Variants in GLIS3 observed in about 807,000 individuals in gnomAD.
GLIS3 encodes the protein zinc finger protein GLIS3.
A neutral mutation model predicts 78.6 loss-of-function variants in GLIS3; 53 were observed. The ratio of observed to expected loss-of-function variants is 0.67; its 90% CI spans 0.54 to 0.85. The LOEUF (loss-of-function observed/expected upper bound fraction) is 0.85, where lower values mean the gene tolerates loss of function less well. GLIS3 is among the 40% of genes least tolerant of loss of function. The probability of loss-of-function intolerance (pLI) is 0.00; values close to 1 mark genes in which losing one functional copy is unlikely to be tolerated. For synonymous variants in GLIS3, 684 were observed against 509.9 expected, an observed-to-expected ratio of 1.34 and a Z score of -4.60; for missense variants, 1,703 against 1,231.1, an observed-to-expected ratio of 1.38 and a Z score of -5.74.
intron 4 of GLIS3, chr9:4,054,337 C>T: frequency 1.0e-6 from 1 of 985,418 alleles, no homozygotes; most frequent in East Asian, 1.1e-4. Context: ...ACAAGACCTC[C>T]ACCTTTCCAA....
At chr9:4,365,026 T>C in the GLIS3 span, among the ~76,000 whole-genome samples, 6 of 152,286 alleles carry the variant, frequency 3.9e-5, no homozygotes, top group African/African-American at 1.4e-4. Flanking sequence ...TTTTAACTTA[T>C]GAAAAAAGTC....
intron 2 of GLIS3, among the ~76,000 whole-genome samples, chr9:4,316,156 A>G (rs1490096031): frequency 2.0e-5 from 3 of 152,148 alleles, no homozygotes; most frequent in African/African-American, 7.2e-5. Context: ...ATCCTCAACA[A>G]AAAAGATTTC....
intron 2 of GLIS3, among the ~76,000 whole-genome samples, chr9:4,330,783 A>T (rs139286469): frequency 6.6e-6 from 1 of 152,112 alleles, no homozygotes; most frequent in Non-Finnish European, 1.5e-5. Flanking sequence ...GACTCAGGAG[A>T]TAACTTAGAA....
intron 4 of GLIS3, among the ~76,000 whole-genome samples, chr9:4,068,343 T>A (rs1398920118): frequency 1.3e-5 from 2 of 152,136 alleles, no homozygotes; most frequent in Non-Finnish European, 2.9e-5. Flanking sequence ...ATTTTATTCA[T>A]GATTTTGAAA....
chr9:4,036,108 G>A (rs543001938), intron 4 of GLIS3: 1 of 152,220 alleles, frequency 6.6e-6, no homozygotes, highest in African/African-American at 2.4e-5. Flanking sequence ...CTTTTCACAG[G>A]GAATTACCAT....
chr9:4,408,511 A>G, the GLIS3 span, among the ~76,000 whole-genome samples: 2 of 151,714 alleles, frequency 1.3e-5, no homozygotes, highest in Non-Finnish European at 2.9e-5. Flanking sequence ...GGCGGATCAC[A>G]AGGTCAGGAG....
chr9:4,259,069 C>G (rs1041832118), intron 2 of GLIS3, among the ~76,000 whole-genome samples: 1 of 152,088 alleles, frequency 6.6e-6, no homozygotes, highest in East Asian at 1.9e-4. Context: ...AACTCCTCCC[C>G]AAACATTCCA....
At chr9:4,257,704 G>T (rs1296196777) in intron 2 of GLIS3, among the ~76,000 whole-genome samples, 3 of 151,780 alleles carry the variant, frequency 2.0e-5, no homozygotes, top group Admixed American at 1.3e-4. Flanking sequence ...CTCCCAAGTA[G>T]CTGGGACTAC....
chr9:4,376,644 A>C, the GLIS3 span, among the ~76,000 whole-genome samples: 1 of 135,362 alleles, frequency 7.4e-6, no homozygotes, highest in Admixed American at 7.4e-5. Flanking sequence ...TACATCTTAT[A>C]AAAGAAGAAA....
At chr9:4,208,698 T>A (rs191153173) in intron 2 of GLIS3, among the ~76,000 whole-genome samples, 1 of 152,180 alleles carries the variant, frequency 6.6e-6, no homozygotes, top group Non-Finnish European at 1.5e-5. Context: ...CCCTGGATGG[T>A]TGCTAGCGTT....
intron 4 of GLIS3, among the ~76,000 whole-genome samples, chr9:3,979,385 T>C (rs1048936244): frequency 6.6e-6 from 1 of 152,222 alleles, no homozygotes; most frequent in Non-Finnish European, 1.5e-5. Flanking sequence ...AGGACTAACA[T>C]CCTTCATGTT....
At chr9:4,089,054 T>C (rs925864413) in intron 4 of GLIS3, among the ~76,000 whole-genome samples, 3 of 152,264 alleles carry the variant, frequency 2.0e-5, no homozygotes, top group Admixed American at 2.0e-4. Flanking sequence ...AGCAACTTGC[T>C]TTAAAACAAA....
chr9:4,143,684 T>G (rs1833990505), intron 2 of GLIS3, among the ~76,000 whole-genome samples: 1 of 152,256 alleles, frequency 6.6e-6, no homozygotes, highest in Non-Finnish European at 1.5e-5. Context: ...TTATTCGTCT[T>G]GCATACACTG....
At chr9:4,058,206 C>T (rs1029861437) in intron 4 of GLIS3, among the ~76,000 whole-genome samples, 2 of 152,074 alleles carry the variant, frequency 1.3e-5, no homozygotes, top group Admixed American at 6.6e-5. Flanking sequence ...CTGATTGCTC[C>T]AGCCAGTGAC....
At chr9:3,862,916 A>AT (rs34617524) in intron 8 of GLIS3, among the ~76,000 whole-genome samples, 130,863 of 151,912 alleles carry the variant, frequency 0.86, 56,626 homozygotes, top group Middle Eastern at 0.94. Context: ...TTGGGGAGGT[A>AT]TTTTTTATTT....
chr9:4,125,895 G>C lies in GLIS3; in HGVS notation c.435C>G (p.Ser145Arg). 2 of 1,613,942 alleles carry C rather than the reference G, an allele frequency of 1.2e-6. No homozygotes were observed. Among genetic ancestry groups the C allele is most frequent in the Non-Finnish European group, 1.7e-6 (2 of 1,179,958 alleles). Residue 145 changes from serine to arginine, a missense_variant, in exon 3 of 11, where the codon AGC becomes AGG. Ser to Arg is a moderately radical substitution (Grantham distance 110, BLOSUM62 -1). Transcript: ENST00000381971. Reference sequence around the variant, plus strand: ...TGCTGGTGACCACTAGATTGTTGCAGCTGCCTTTTCCAATGGACTTGCACT... The same window carrying C: ...TGCTGGTGACCACTAGATTGTTGCACCTGCCTTTTCCAATGGACTTGCACT... ...GPQCKSIGKGSCNNLVVTSSP... is the reference protein window; with the variant it reads ...GPQCKSIGKGRCNNLVVTSSP...
intron 2 of GLIS3, among the ~76,000 whole-genome samples, chr9:4,318,251 C>G (rs1199818303): frequency 2.6e-5 from 4 of 152,064 alleles, no homozygotes; most frequent in African/African-American, 9.7e-5. Flanking sequence ...TTCGAGGGGC[C>G]AGGATGAACC....
chr9:4,089,601 G>A (rs1829320534), intron 4 of GLIS3, among the ~76,000 whole-genome samples: 1 of 152,130 alleles, frequency 6.6e-6, no homozygotes, highest in Non-Finnish European at 1.5e-5. Context: ...CCAAGCAGGA[G>A]GATCTCTTGA....
chr9:4,263,014 T>A (rs531051728), intron 2 of GLIS3, among the ~76,000 whole-genome samples: 1 of 152,220 alleles, frequency 6.6e-6, no homozygotes, highest in East Asian at 1.9e-4. Context: ...AGAGAATAGT[T>A]TGGAAAAAGG....
Sources: gnomAD v4.1 joint callset for allele counts (sites outside exome capture counted in the v4.1 genomes callset) on GRCh38, gnomAD v4.1.1 for gene constraint, MANE v1.5 for transcripts, NCBI Gene and HGNC (gene_info 2026-07-23, HGNC 2026-07-21) for gene names.